Variants in SNX18 observed in about 807,000 individuals in gnomAD.
SNX18 encodes sorting nexin-18.
Under a neutral mutation model 48.7 loss-of-function variants are expected in SNX18, and 35 were observed. The ratio of observed to expected loss-of-function variants is 0.72; its 90% CI spans 0.55 to 0.95. The LOEUF is 0.95. Ranked by LOEUF, SNX18 falls within the 40% of genes least tolerant of loss-of-function variation. The probability of loss-of-function intolerance (pLI) is 0.00; values close to 1 mark genes in which losing one functional copy is unlikely to be tolerated. For missense variants in SNX18, 824 were observed against 871.0 expected, an observed-to-expected ratio of 0.95 and a Z score of 0.68; for synonymous variants, 492 against 384.7, an observed-to-expected ratio of 1.28 and a Z score of -3.26.
chr5:54,548,122 T>C (rs1418211608), downstream of SNX18, among the ~76,000 whole-genome samples: 2 of 152,190 alleles, frequency 1.3e-5, no homozygotes, highest in African/African-American at 4.8e-5. Context: ...TACTTGGCCC[T>C]GATCCCAGGA....
At chr5:54,622,018 T>C in the SNX18 span, among the ~76,000 whole-genome samples, 1 of 152,264 alleles carries the variant, frequency 6.6e-6, no homozygotes, top group South Asian at 2.1e-4. Context: ...CAGCATGGGC[T>C]GATTCTGGGA....
rs1220980444 is a variant in SNX18 at position 54,519,186 on chromosome 5, A to G, written c.1234A>G (p.Ser412Gly). Residue 412 changes from serine to glycine, a missense_variant, in exon 1 of 2, where the codon AGC (serine) becomes GGC (glycine). Transcript: ENST00000381410. ...MVGANFFLTL[S>G]TPPAAALDLQ... ...GGGCGCCAACTTCTTCCTGACCCTT[A>G]GCACGCCCCCCGCCGCTGCCCTTGA... is the stretch of plus-strand genomic sequence containing the variant. 6.2e-7 allele frequency: 1 copy of G among 1,613,842 alleles called. No homozygotes were observed. Among genetic ancestry groups the G allele is most frequent in the Non-Finnish European group, 8.5e-7 (1 of 1,179,886 alleles).
the SNX18 span, among the ~76,000 whole-genome samples, chr5:54,598,217 C>A: frequency 6.6e-6 from 1 of 152,004 alleles, no homozygotes; most frequent in Non-Finnish European, 1.5e-5. Flanking sequence ...TAGCAAGTTC[C>A]AAAATCGAGG....
At chr5:54,525,859 G>C (rs1171489301) in intron 1 of SNX18, among the ~76,000 whole-genome samples, 1 of 152,184 alleles carries the variant, frequency 6.6e-6, no homozygotes, top group African/African-American at 2.4e-5. Flanking sequence ...GTCTACTTAT[G>C]TGACTGTTTT....
chr5:54,519,758 C>CCT (rs997940752), intron 1 of SNX18, 185 bp downstream of exon 1: 7 of 1,614,140 alleles, frequency 4.3e-6, no homozygotes, highest in Non-Finnish European at 5.1e-6. Context: ...GCAGCTTCCT[C>CCT]CTCGAGTATC....
chr5:54,592,289 C>T, the SNX18 span, among the ~76,000 whole-genome samples: 3 of 152,084 alleles, frequency 2.0e-5, no homozygotes, highest in Non-Finnish European at 4.4e-5. Flanking sequence ...CTTCATCTCA[C>T]CTGAGCTGCC....
intron 1 of SNX18, among the ~76,000 whole-genome samples, chr5:54,539,121 T>C (rs1434842219): frequency 6.6e-6 from 1 of 152,142 alleles, no homozygotes; most frequent in Non-Finnish European, 1.5e-5. Flanking sequence ...CAGCCTGGAA[T>C]TCCTGGACTC....
chr5:54,634,581 G>T, the SNX18 span, among the ~76,000 whole-genome samples: 1 of 151,056 alleles, frequency 6.6e-6, no homozygotes, highest in Non-Finnish European at 1.5e-5. Context: ...TATTTTATGT[G>T]TGGCCCAGGA....
chr5:54,562,506 G>A, the SNX18 span, among the ~76,000 whole-genome samples: 52 of 152,238 alleles, frequency 3.4e-4, no homozygotes, highest in African/African-American at 1.2e-3. Context: ...CCATAAGACT[G>A]TAATGGAGCC....
intron 1 of SNX18, among the ~76,000 whole-genome samples, chr5:54,535,537 C>T (rs950325193): frequency 8.5e-5 from 13 of 152,162 alleles, no homozygotes; most frequent in Admixed American, 7.2e-4. Flanking sequence ...GTAGTAGGGT[C>T]AAGTCTCCAT....
intron 1 of SNX18, among the ~76,000 whole-genome samples, chr5:54,541,843 G>A (rs1762477117): frequency 6.6e-6 from 1 of 152,284 alleles, no homozygotes; most frequent in African/African-American, 2.4e-5. Context: ...TAAGGGTTTT[G>A]TTTAATATTA....
chr5:54,575,985 C>CTCT, the SNX18 span, among the ~76,000 whole-genome samples: 1 of 152,336 alleles, frequency 6.6e-6, no homozygotes, highest in South Asian at 2.1e-4. Flanking sequence ...AGTCTCTACA[C>CTCT]TCTTTTGAAG....
At chr5:54,593,120 A>G in the SNX18 span, among the ~76,000 whole-genome samples, 5 of 152,206 alleles carry the variant, frequency 3.3e-5, no homozygotes, top group South Asian at 1.0e-3. Context: ...TATTATTGAT[A>G]GTCGGCTGCT....
chr5:54,584,233 T>C, the SNX18 span, among the ~76,000 whole-genome samples: 1 of 151,858 alleles, frequency 6.6e-6, no homozygotes. Flanking sequence ...TATATTTTAG[T>C]AGAGATGGGT....
At chr5:54,632,522 G>A in the SNX18 span, among the ~76,000 whole-genome samples, 1 of 152,174 alleles carries the variant, frequency 6.6e-6, no homozygotes, top group Non-Finnish European at 1.5e-5. Flanking sequence ...CACGCAGGCT[G>A]AGTGAAGGCT....
At chr5:54,549,450 CCTT>C (rs1452717573), downstream of SNX18, among the ~76,000 whole-genome samples, 82 of 152,280 alleles carry the variant, frequency 5.4e-4, no homozygotes, top group African/African-American at 1.9e-3. Context: ...GGCACAGCAT[CCTT>C]CTTACTCTGC....
the SNX18 span, among the ~76,000 whole-genome samples, chr5:54,620,628 G>A: frequency 1.3e-5 from 2 of 152,248 alleles, no homozygotes; most frequent in African/African-American, 4.8e-5. Context: ...AGGCGTTGCC[G>A]TGGAGGAGGA....
chr5:54,631,560 T>A, the SNX18 span, among the ~76,000 whole-genome samples: 1 of 152,238 alleles, frequency 6.6e-6, no homozygotes, highest in Admixed American at 6.5e-5. Flanking sequence ...TTATTGAGCA[T>A]CTACTGTATG....
At chr5:54,536,700 G>A (rs896460146) in intron 1 of SNX18, among the ~76,000 whole-genome samples, 1 of 152,164 alleles carries the variant, frequency 6.6e-6, no homozygotes, top group African/African-American at 2.4e-5. Flanking sequence ...ACGTGTGTAT[G>A]TGTCTTCATA....
Sources: allele counts gnomAD v4.1 joint callset (sites outside exome capture counted in the v4.1 genomes callset), GRCh38; gene constraint gnomAD v4.1.1; transcripts MANE v1.5; gene names NCBI Gene and HGNC (gene_info 2026-07-23, HGNC 2026-07-21).